ABCG5: variants seen among roughly 807,000 people sequenced by gnomAD.
The protein encoded by ABCG5 is ATP binding cassette subfamily G member 5.
A neutral mutation model predicts 64.5 loss-of-function variants in ABCG5; 64 were observed. That is an observed-to-expected ratio of 0.99 (90% CI 0.81 to 1.22). The LOEUF is 1.22. Among genes scored for constraint, ABCG5 ranks in the 50% most tolerant of loss-of-function variants. The pLI, the probability that ABCG5 is intolerant of heterozygous loss-of-function variation, is 0.00. For missense variants in ABCG5, 908 were observed against 829.5 expected (o/e 1.09, Z -1.16); for synonymous variants, 385 against 326.3 (o/e 1.18, Z -1.94).
At chr2:43,828,488 A>G (rs932774364) in intron 4 of ABCG5, 8 of 382,916 alleles carry the variant, frequency 2.1e-5, no homozygotes, top group South Asian at 4.1e-5. Context: ...AAAAAAAAAA[A>G]AAAAAGAAAG....
chr2:43,823,524 G>T (rs1489820086), intron 9 of ABCG5, among the ~76,000 whole-genome samples: 3 of 152,094 alleles, frequency 2.0e-5, no homozygotes, highest in Non-Finnish European at 2.9e-5. Context: ...TGAAAATTAG[G>T]TGCTGGCTGT....
intron 4 of ABCG5, among the ~76,000 whole-genome samples, chr2:43,829,474 G>A (rs927594850): frequency 1.3e-5 from 2 of 152,086 alleles, no homozygotes; most frequent in Non-Finnish European, 2.9e-5. Context: ...GTAACTCCCT[G>A]AAACCGTTTT....
At chr2:43,836,365 C>T (rs1668266590) in intron 2 of ABCG5, among the ~76,000 whole-genome samples, 1 of 152,164 alleles carries the variant, frequency 6.6e-6, no homozygotes, top group African/African-American at 2.4e-5. Flanking sequence ...TGGTCATAGA[C>T]TTCAATGGAG....
chr2:43,808,414 C>G (rs1485291565), downstream of ABCG5, among the ~76,000 whole-genome samples: 1 of 152,216 alleles, frequency 6.6e-6, no homozygotes, highest in East Asian at 1.9e-4. Flanking sequence ...CTTTTCATAG[C>G]AACTGTGAAC....
chr2:43,823,780 G>T (rs760612247), intron 9 of ABCG5, 133 bp downstream of exon 9: 45 of 1,037,884 alleles, frequency 4.3e-5, no homozygotes, highest in Non-Finnish European at 5.8e-5. Context: ...CCTTTCCCCA[G>T]AGAGGGAACC....
intron 2 of ABCG5, 69 bp from the exon 3 acceptor site, chr2:43,832,152 C>T: frequency 6.5e-7 from 1 of 1,549,852 alleles, no homozygotes; most frequent in South Asian, 1.2e-5. Flanking sequence ...TTCCCGAGAC[C>T]CTCTGTGCAG....
chr2:43,808,966 C>T (rs1427228183), downstream of ABCG5, among the ~76,000 whole-genome samples: 3 of 37,386 alleles, frequency 8.0e-5, no homozygotes, highest in African/African-American at 3.5e-4. Flanking sequence ...ACAAAGGATA[C>T]ACACACACAC....
downstream of ABCG5, chr2:43,810,572 A>C: frequency 4.2e-6 from 4 of 945,940 alleles, no homozygotes; most frequent in Non-Finnish European, 5.0e-6. Context: ...ATGTTCTTCC[A>C]TGTCCACATA....
At chr2:43,809,692 A>T (rs767296669), downstream of ABCG5, 8 of 1,594,878 alleles carry the variant, frequency 5.0e-6, no homozygotes, top group Middle Eastern at 1.7e-4. Flanking sequence ...AGTGATACAT[A>T]TTTTTGTTTT....
chr2:43,824,945 A>C lies in ABCG5; in HGVS notation c.848T>G (p.Phe283Cys). The part of the protein sequence containing the change: ...FCGTPAEMLD[F>C]FNDCGYPCPE... ...ACAAGGGTAACCGCAGTCATTGAAG[A>C]AATCAAGCATTTCCGCTGGCGTGCC... is the stretch of plus-strand genomic sequence containing the variant. The change falls in exon 7 of 13, where the codon TTC becomes TGC. Residue 283 changes from phenylalanine (F) to cysteine (C), a missense_variant. Coordinates refer to ENST00000405322, the MANE Select transcript of ABCG5 (RefSeq NM_022436.3). 6.2e-7 allele frequency: 1 copy of C among 1,614,138 alleles called. No homozygotes were observed. The highest frequency in any genetic ancestry group is 8.5e-7 in the Non-Finnish European group (1 of 1,179,992).
At chr2:43,832,169 CCCCGCGGGCCATGAGTGCTACATGACGGA>C (rs1667992061) in intron 2 of ABCG5, 86 bp from the exon 3 acceptor site, 1 of 1,535,980 alleles carries the variant, frequency 6.5e-7, no homozygotes, top group East Asian at 2.5e-5. Context: ...GCAGGCATGA[CCCCGCGGGCCATGAGTGCTACATGACGGA>C]CCCTGTTCTA....
In ABCG5 at chr2:43,812,791, T is replaced by C. The variant is rs749858308; in HGVS notation, c.*325A>G. ...GTAAACATATTTTTAAGCTGACCTATTTTTTTCTGTGCCTAGAACAAGGAA... is the reference window on the plus strand; with the variant it reads ...GTAAACATATTTTTAAGCTGACCTACTTTTTTCTGTGCCTAGAACAAGGAA... On this transcript the variant is annotated 3_prime_UTR_variant, in exon 13 of 13. Transcript: ENST00000405322. 7.1e-6 allele frequency: 2 copies of C among 282,850 alleles called. No individual in the cohort carries two copies. Among genetic ancestry groups the C allele is most frequent in the Non-Finnish European group, 1.3e-5 (2 of 148,820 alleles). The allele number at this position is 282,850 out of a possible 1,614,324, so 17.5% of individuals were successfully genotyped here. A position where few individuals can be genotyped will look rare whatever the true frequency, so the allele number is the denominator to read the frequency against.
chr2:43,839,142 C>T (rs917233797), upstream of ABCG5: 66 of 1,550,822 alleles, frequency 4.3e-5, no homozygotes, highest in Non-Finnish European at 5.6e-5. Flanking sequence ...GAAGTCGGCC[C>T]AGGCCTGGTG....
intron 4 of ABCG5, among the ~76,000 whole-genome samples, chr2:43,831,124 C>G (rs186475804): frequency 3.3e-5 from 5 of 152,286 alleles, no homozygotes; most frequent in Admixed American, 3.3e-4. Flanking sequence ...ATATTATTTA[C>G]AGCCAAAAAT....
At chr2:43,833,208 G>C (rs1244615980) in intron 2 of ABCG5, among the ~76,000 whole-genome samples, 1 of 152,110 alleles carries the variant, frequency 6.6e-6, no homozygotes, top group African/African-American at 2.4e-5. Flanking sequence ...CATGGAGACA[G>C]AATAGACCTC....
chr2:43,815,633 G>A (rs1005286393), intron 11 of ABCG5, among the ~76,000 whole-genome samples: 1 of 152,138 alleles, frequency 6.6e-6, no homozygotes, highest in Non-Finnish European at 1.5e-5. Context: ...GGAAGAGGAT[G>A]GAAATTCTAG....
intron 2 of ABCG5, among the ~76,000 whole-genome samples, chr2:43,836,153 C>T (rs919659091): frequency 2.6e-5 from 4 of 151,992 alleles, no homozygotes; most frequent in African/African-American, 9.7e-5. Context: ...GTTAGCCAGG[C>T]TGGTCTCGAA....
intron 11 of ABCG5, 34 bp downstream of exon 11, chr2:43,819,881 C>A: frequency 6.2e-7 from 1 of 1,606,754 alleles, no homozygotes; most frequent in Non-Finnish European, 8.5e-7. Context: ...AACAGATTAT[C>A]CCAATCTAAA....
intron 4 of ABCG5, 172 bp from the exon 5 acceptor site, chr2:43,828,287 C>T (rs981063705): frequency 2.7e-5 from 23 of 864,396 alleles, no homozygotes; most frequent in South Asian, 1.7e-4. Flanking sequence ...TGATCCAATT[C>T]GGCTTAAATC....
Sources: gnomAD v4.1 joint callset for allele counts (sites outside exome capture counted in the v4.1 genomes callset) on GRCh38, gnomAD v4.1.1 for gene constraint, MANE v1.5 for transcripts, NCBI Gene and HGNC (gene_info 2026-07-23, HGNC 2026-07-21) for gene names.